Variants in RBFOX3 observed in about 807,000 individuals in gnomAD.
RBFOX3 encodes the protein RNA binding protein fox-1 homolog 3.
A neutral mutation model predicts 48.7 loss-of-function variants in RBFOX3; 17 were observed. That is an observed-to-expected ratio of 0.35 (90% CI 0.24 to 0.52). The LOEUF is 0.52. RBFOX3 is among the 20% of genes least tolerant of loss of function. The pLI, the probability that RBFOX3 is intolerant of heterozygous loss-of-function variation, is 0.94. For synonymous variants in RBFOX3, 212 were observed against 209.5 expected, an observed-to-expected ratio of 1.01 and a Z score of -0.10; for missense variants, 382 against 497.5, an observed-to-expected ratio of 0.77 and a Z score of 2.21.
intron 4 of RBFOX3, among the ~76,000 whole-genome samples, chr17:79,215,229 C>G (rs68140879): frequency 0.54 from 79,283 of 148,096 alleles, 21,747 homozygotes; most frequent in East Asian, 0.63. Flanking sequence ...TGCATGCTGC[C>G]GCCCTCGTGC....
intron 2 of RBFOX3, among the ~76,000 whole-genome samples, chr17:79,350,194 G>A (rs1446802155): frequency 6.6e-6 from 1 of 152,144 alleles, no homozygotes; most frequent in African/African-American, 2.4e-5. Context: ...AGCTGCCCTG[G>A]CAGCCCCTCC....
chr17:79,463,760 G>C (rs1221808721), intron 2 of RBFOX3, among the ~76,000 whole-genome samples: 1 of 124,066 alleles, frequency 8.1e-6, no homozygotes, highest in Non-Finnish European at 1.7e-5. Flanking sequence ...CACCTCTACC[G>C]CCATCACCAC....
At position 79,114,390 on chromosome 17, in the gene RBFOX3, G is replaced by A. The variant is rs563758140; in HGVS notation, c.222+1104C>T. Among the ~76,000 whole-genome samples the A allele has an allele frequency of 2.7e-3, 413 of 152,300 alleles. 1 individual carries two copies. Among genetic ancestry groups the A allele is most frequent in the African/African-American group, 9.6e-3 (399 of 41,560 alleles). On this transcript the variant is annotated intron_variant, in intron 5 of 14. Coordinates refer to ENST00000693108, the MANE Select transcript of RBFOX3 (RefSeq NM_001350451.2). ...GTCTCGGGGCAGATTCGGGCTGGGCGGGGCTCCAAGCAGGGAGGAAAGGCA... is the reference window on the plus strand; with the variant it reads ...GTCTCGGGGCAGATTCGGGCTGGGCAGGGCTCCAAGCAGGGAGGAAAGGCA...
At chr17:79,193,126 G>T (rs763136068) in intron 4 of RBFOX3, among the ~76,000 whole-genome samples, 3 of 152,218 alleles carry the variant, frequency 2.0e-5, no homozygotes, top group African/African-American at 7.2e-5. Context: ...TTGCTCGGTG[G>T]GGGCAGGGGC....
intron 1 of RBFOX3, among the ~76,000 whole-genome samples, chr17:79,483,595 C>CT: frequency 6.7e-6 from 1 of 150,228 alleles, no homozygotes; most frequent in East Asian, 2.0e-4. Flanking sequence ...AATTTCCCCC[C>CT]AGGGACTTAG....
chr17:79,210,213 T>C (rs1400709915), intron 4 of RBFOX3, among the ~76,000 whole-genome samples: 1 of 152,186 alleles, frequency 6.6e-6, no homozygotes, highest in Non-Finnish European at 1.5e-5. Flanking sequence ...GGCAGGTGCC[T>C]GGTCAAGGAG....
At chr17:79,344,477 T>G (rs2082568993) in intron 2 of RBFOX3, among the ~76,000 whole-genome samples, 1 of 152,140 alleles carries the variant, frequency 6.6e-6, no homozygotes, top group Admixed American at 6.5e-5. Flanking sequence ...CTCTATCCCC[T>G]TCCTCATTGG....
chr17:79,259,357 G>A (rs1343436151), intron 3 of RBFOX3, among the ~76,000 whole-genome samples: 1 of 152,224 alleles, frequency 6.6e-6, no homozygotes, highest in Admixed American at 6.5e-5. Context: ...TGGCAAGAGG[G>A]TGTGTTCTGG....
At chr17:79,449,622 A>AACACACACACACAC (rs57480439) in intron 2 of RBFOX3, among the ~76,000 whole-genome samples, 11,621 of 144,434 alleles carry the variant, frequency 0.08, 545 homozygotes, top group East Asian at 0.16. Context: ...TGCACACATA[A>AACACACACACACAC]ACACACACAC....
chr17:79,291,991 C>G (rs60029192), intron 3 of RBFOX3, among the ~76,000 whole-genome samples: 14,759 of 152,138 alleles, frequency 0.097, 721 homozygotes, highest in East Asian at 0.2. Context: ...CCAGCCTCCA[C>G]CCCTACTTAG....
intron 1 of RBFOX3, among the ~76,000 whole-genome samples, chr17:79,520,005 G>A (rs1466400561): frequency 6.6e-6 from 1 of 151,214 alleles, no homozygotes; most frequent in African/African-American, 2.5e-5. Context: ...CTGAGTCCTA[G>A]CAACCCTCAA....
rs2055424156 is a variant in RBFOX3, at chr17:79,195,606, G to T, written c.-34+40160C>A. Among the ~76,000 whole-genome samples the T allele has an allele frequency of 6.6e-6, 1 of 152,104 alleles. No individual in the cohort carries two copies. Among genetic ancestry groups the T allele is most frequent in the Non-Finnish European group, 1.5e-5 (1 of 68,018 alleles). On this transcript the variant is annotated intron_variant, in intron 4 of 14. Coordinates refer to ENST00000693108, the MANE Select transcript of RBFOX3 (RefSeq NM_001350451.2). This position sits in a 1 kb window ranked among gnomAD's most constrained non-coding sequence, Gnocchi z 5.3. Reference sequence around the variant, plus strand: ...GCTCTATCCTGATATCTGAGACTGGGGCCTCCTTATTTTGTCCTACCATTG... The same window carrying T: ...GCTCTATCCTGATATCTGAGACTGGTGCCTCCTTATTTTGTCCTACCATTG...
chr17:79,312,378 G>T (rs1349047176), intron 2 of RBFOX3, among the ~76,000 whole-genome samples: 1 of 152,146 alleles, frequency 6.6e-6, no homozygotes, highest in Non-Finnish European at 1.5e-5. Context: ...CTAGGGTGCA[G>T]CAGAGATGAG....
Position 79,204,518 on chromosome 17 carries a change from G to A in RBFOX3, c.-34+31248C>T, listed in dbSNP as rs886160079. ...ACAGCATTCAGTCAACGAGGTCGACGCGCTGGAACTACTTTGGTGGAGTAT... is the reference window on the plus strand; with the variant it reads ...ACAGCATTCAGTCAACGAGGTCGACACGCTGGAACTACTTTGGTGGAGTAT... On this transcript the variant is annotated intron_variant, in intron 4 of 14. Transcript: ENST00000693108. The surrounding 1 kb of genome is among the most constrained non-coding windows in gnomAD (Gnocchi z 4.5). 1.3e-5 allele frequency among the ~76,000 whole-genome samples: 2 copies of A among 152,190 alleles called. No individual in the cohort carries two copies. The highest frequency in any genetic ancestry group is 2.1e-4 in the South Asian group (1 of 4,830).
At chr17:79,279,471 C>T (rs1600382087) in intron 3 of RBFOX3, among the ~76,000 whole-genome samples, 1 of 152,178 alleles carries the variant, frequency 6.6e-6, no homozygotes, top group East Asian at 1.9e-4. Flanking sequence ...CACAGCATGG[C>T]CCGGCCCGGC....
At chr17:79,468,289 A>G (rs2076576335) in intron 2 of RBFOX3, among the ~76,000 whole-genome samples, 1 of 152,210 alleles carries the variant, frequency 6.6e-6, no homozygotes, top group Non-Finnish European at 1.5e-5. Context: ...GCATAGATGG[A>G]TAATAGATAG....
Position 79,546,054 on chromosome 17 carries a change from G to A in RBFOX3, c.-319-63456C>T, listed in dbSNP as rs900706951. On this transcript the variant is annotated intron_variant, in intron 1 of 14. Coordinates refer to ENST00000693108, the MANE Select transcript of RBFOX3 (RefSeq NM_001350451.2). ...AATCTCAGATATGTGGATACCTCTC[G>A]CAGATTTGCATAATGACAAATTTAA... 7.2e-5 allele frequency among the ~76,000 whole-genome samples: 11 copies of A among 152,354 alleles called. 1 individual carries two copies. The highest frequency in any genetic ancestry group is 3.9e-4 in the Admixed American group (6 of 15,306).
At chr17:79,611,260 C>CGGCGGCGGCGCG (rs1311893206), upstream of RBFOX3, among the ~76,000 whole-genome samples, 2 of 149,112 alleles carry the variant, frequency 1.3e-5, no homozygotes, top group African/African-American at 2.5e-5. Flanking sequence ...CAGGAGCACG[C>CGGCGGCGGCGCG]GGCGGCGGCG....
intron 3 of RBFOX3, among the ~76,000 whole-genome samples, chr17:79,294,807 C>T (rs903105403): frequency 6.6e-6 from 1 of 152,218 alleles, no homozygotes; most frequent in African/African-American, 2.4e-5. Context: ...GCGGCCAGTG[C>T]TCAGGAAGGC....
Sources: gnomAD v4.1 joint callset for allele counts (sites outside exome capture counted in the v4.1 genomes callset) on GRCh38, gnomAD v4.1.1 for gene constraint, Gnocchi (gnomAD v3.1) non-coding constraint, MANE v1.5 for transcripts, NCBI Gene and HGNC (gene_info 2026-07-23, HGNC 2026-07-21) for gene names.